LHPP: variants seen among roughly 807,000 people sequenced by gnomAD.
LHPP encodes phospholysine phosphohistidine inorganic pyrophosphate phosphatase.
Under a neutral mutation model 30.3 loss-of-function variants are expected in LHPP, and 24 were observed. The ratio of observed to expected loss-of-function variants is 0.79; its 90% CI spans 0.57 to 1.11. The LOEUF (loss-of-function observed/expected upper bound fraction) is 1.11, where lower values mean the gene tolerates loss of function less well. LHPP is among the 50% of genes most tolerant of loss of function. LHPP has a pLI of 0.00. For missense variants in LHPP, 356 were observed against 367.2 expected, an observed-to-expected ratio of 0.97 and a Z score of 0.25; for synonymous variants, 150 against 157.1, an observed-to-expected ratio of 0.95 and a Z score of 0.34.
At chr10:124,543,026 C>T (rs1258151672) in intron 6 of LHPP, among the ~76,000 whole-genome samples, 1 of 152,216 alleles carries the variant, frequency 6.6e-6, no homozygotes, top group African/African-American at 2.4e-5. Flanking sequence ...TGAGTGGGGG[C>T]TGCTGTGCCA....
At position 124,478,037 on chromosome 10, in the gene LHPP, G is replaced by T. The variant is rs544856674; in HGVS notation, c.126-6102G>T. Among the ~76,000 whole-genome samples, 16 of 152,292 alleles carry T rather than the reference G, an allele frequency of 1.1e-4. No homozygotes were observed. The highest frequency in any genetic ancestry group is 3.6e-4 in the African/African-American group (15 of 41,556). ...TGGTCCTGCGCCAGGGTGCCCCCAGGTGCTGATCTTGGCTCCACTGTGGTT... is the reference window on the plus strand; with the variant it reads ...TGGTCCTGCGCCAGGGTGCCCCCAGTTGCTGATCTTGGCTCCACTGTGGTT... On this transcript the variant is annotated intron_variant, in intron 1 of 6. Coordinates refer to ENST00000368842, the MANE Select transcript of LHPP (RefSeq NM_022126.4). The surrounding 1 kb of genome is among the most constrained non-coding windows in gnomAD (Gnocchi z 4.7).
chr10:124,518,724 C>A (rs1238754558), intron 6 of LHPP, among the ~76,000 whole-genome samples: 2 of 152,206 alleles, frequency 1.3e-5, no homozygotes, highest in African/African-American at 4.8e-5. Context: ...TTCTGGCCAG[C>A]CCAGGCCAGG....
chr10:124,521,722 G>C (rs941554161), intron 6 of LHPP, among the ~76,000 whole-genome samples: 1 of 152,204 alleles, frequency 6.6e-6, no homozygotes, highest in African/African-American at 2.4e-5. Context: ...GCGGGTGGGG[G>C]CAGCGGTCAG....
At position 124,588,546 on chromosome 10, in the gene LHPP, A is replaced by T. The variant is rs1173939777; in HGVS notation, c.717-24718A>T. Among the ~76,000 whole-genome samples, 4 of 152,318 alleles carry T rather than the reference A, an allele frequency of 2.6e-5. No individual in the cohort carries two copies. The East Asian group carries it at 7.7e-4, about 29-fold the overall frequency. The stretch of plus-strand genomic sequence containing the variant: ...TGATCCGCCCGCCCAAAGTGCTGGG[A>T]TTACAGGCGTGAGCCACAGTGCCCG... On this transcript the variant is annotated intron_variant, in intron 6 of 6. Coordinates refer to ENST00000368842, the MANE Select transcript of LHPP (RefSeq NM_022126.4).
rs1174510360 is a variant in LHPP at position 124,496,097 on chromosome 10, TTTAGTGGTTCCAAGAATCAAGCCCC to T, written c.468-863_468-839del. Among the ~76,000 whole-genome samples the T allele has an allele frequency of 7.4e-4, 112 of 152,292 alleles. No individual in the cohort carries two copies. The highest frequency in any genetic ancestry group is 2.2e-4 in the Non-Finnish European group (15 of 68,028). ...GATGTGATGGTGGATGGCAAAACATTTTAGTGGTTCCAAGAATCAAGCCCCCTTGTGTATTCTTGGCTTTCAATGA... is the reference window on the plus strand; with the variant it reads ...GATGTGATGGTGGATGGCAAAACATTCTTGTGTATTCTTGGCTTTCAATGA... On this transcript the variant is annotated intron_variant, in intron 3 of 6. Coordinates refer to ENST00000368842, the MANE Select transcript of LHPP (RefSeq NM_022126.4). This position sits in a 1 kb window ranked among gnomAD's most constrained non-coding sequence, Gnocchi z 4.3.
intron 6 of LHPP, among the ~76,000 whole-genome samples, chr10:124,544,679 G>T (rs1955288931): frequency 6.6e-6 from 1 of 152,246 alleles, no homozygotes; most frequent in African/African-American, 2.4e-5. Context: ...CTGGGCACAA[G>T]CCTCGGCTCT....
chr10:124,571,553 G>T (rs1256144769), intron 6 of LHPP, among the ~76,000 whole-genome samples: 1 of 152,222 alleles, frequency 6.6e-6, no homozygotes, highest in Non-Finnish European at 1.5e-5. Context: ...TGTGGACCCT[G>T]TGCCTGGGAG....
rs911118778 is a variant in LHPP, at chr10:124,523,348, A to G, written c.716+6077A>G. Among the ~76,000 whole-genome samples, 18 of 152,150 alleles carry G rather than the reference A, an allele frequency of 1.2e-4. No homozygotes were observed. The highest frequency in any genetic ancestry group is 3.1e-4 in the African/African-American group (13 of 41,434). ...CGATCTAGGATTCCAGCCGCCTTGC[A>G]CAAAGCTGGAAGACGAGGGGCTGCA... On this transcript the variant is annotated intron_variant, in intron 6 of 6. Coordinates refer to ENST00000368842, the MANE Select transcript of LHPP (RefSeq NM_022126.4). This position sits in a 1 kb window ranked among gnomAD's most constrained non-coding sequence, Gnocchi z 4.2.
intron 6 of LHPP, chr10:124,526,231 G>A (rs1355791469): frequency 1.4e-5 from 14 of 985,276 alleles, no homozygotes; most frequent in Non-Finnish European, 1.7e-5. Flanking sequence ...TCCCTGAAGC[G>A]CGTTCCCCAG....
At chr10:124,483,806 G>C (rs116662622) in intron 1 of LHPP, among the ~76,000 whole-genome samples, 2,983 of 151,678 alleles carry the variant, frequency 0.02, 82 homozygotes, top group African/African-American at 0.067. Flanking sequence ...GTAGAGAGGC[G>C]GGGGGACAGA....
intron 6 of LHPP, among the ~76,000 whole-genome samples, chr10:124,546,417 T>TTTG (rs1564822639): frequency 0.016 from 2,480 of 152,190 alleles, 67 homozygotes; most frequent in African/African-American, 0.057. Context: ...TTGTTTGTTT[T>TTTG]TTTGAGACGG....
intron 5 of LHPP, among the ~76,000 whole-genome samples, chr10:124,512,616 C>CAAAAAAA (rs34808470): frequency 1.8e-5 from 1 of 54,180 alleles, no homozygotes; most frequent in African/African-American, 7.6e-5. Context: ...GACTCCGTCT[C>CAAAAAAA]AAAAAAAAAA....
rs1367128400 is a variant in LHPP, at chr10:124,523,456, A to G, written c.716+6185A>G. Among the ~76,000 whole-genome samples the G allele has an allele frequency of 6.6e-6, 1 of 152,216 alleles. No homozygotes were observed. The highest frequency in any genetic ancestry group is 1.5e-5 in the Non-Finnish European group (1 of 68,030). ...TTTGACCTTGGAAGCGGCTGCCGTC[A>G]AAGCAGCAGCTTGTCCTGGGTCTTC... On this transcript the variant is annotated intron_variant, in intron 6 of 6. Transcript: ENST00000368842. This position sits in a 1 kb window ranked among gnomAD's most constrained non-coding sequence, Gnocchi z 4.2.
intron 1 of LHPP, among the ~76,000 whole-genome samples, chr10:124,464,003 G>A (rs142039741): frequency 6.6e-6 from 1 of 152,006 alleles, no homozygotes; most frequent in South Asian, 2.1e-4. Flanking sequence ...GTTTTTTGTA[G>A]AGATGGGGTT....
At chr10:124,508,669 G>A (rs1182445645) in intron 5 of LHPP, among the ~76,000 whole-genome samples, 1 of 150,858 alleles carries the variant, frequency 6.6e-6, no homozygotes, top group Non-Finnish European at 1.5e-5. Context: ...AGCAACTCAT[G>A]CTCATTAAAG....
Position 124,494,018 on chromosome 10 carries a change from C to T in LHPP, c.468-2943C>T, listed in dbSNP as rs1299479904. On this transcript the variant is annotated intron_variant, in intron 3 of 6. Coordinates refer to ENST00000368842, the MANE Select transcript of LHPP (RefSeq NM_022126.4). Reference sequence around the variant, plus strand: ...CAGATTCAGTTTTTTAAAAAATAAACGTTAAAGTTTCTCATTTTGATTTCT... The same window carrying T: ...CAGATTCAGTTTTTTAAAAAATAAATGTTAAAGTTTCTCATTTTGATTTCT... 3.3e-5 allele frequency: 5 copies of T among 152,166 alleles called. No homozygotes were observed. In the East Asian group the frequency reaches 5.8e-4, roughly 18 times the overall value. The allele number at this position is 152,166 out of a possible 1,614,324, so 9.4% of individuals were successfully genotyped here.
At chr10:124,492,639 GAAT>G (rs1953568667) in intron 3 of LHPP, among the ~76,000 whole-genome samples, 1 of 152,212 alleles carries the variant, frequency 6.6e-6, no homozygotes, top group Non-Finnish European at 1.5e-5. Flanking sequence ...GAAACATCCA[GAAT>G]AATGTTTGAC....
chr10:124,535,275 A>G (rs1954995802), intron 6 of LHPP, among the ~76,000 whole-genome samples: 1 of 152,230 alleles, frequency 6.6e-6, no homozygotes, highest in African/African-American at 2.4e-5. Context: ...TAACTTGCCT[A>G]AGGTCACACA....
At chr10:124,613,114 G>C (rs956535623) in intron 6 of LHPP, 150 bp from the exon 7 acceptor site, 22 of 682,968 alleles carry the variant, frequency 3.2e-5, no homozygotes, top group African/African-American at 2.6e-4. Flanking sequence ...GGAGGAGGGG[G>C]ATGGCCAGTG....
Sources: allele counts gnomAD v4.1 joint callset (sites outside exome capture counted in the v4.1 genomes callset), GRCh38; gene constraint gnomAD v4.1.1; non-coding constraint Gnocchi (gnomAD v3.1); transcripts MANE v1.5; gene names NCBI Gene and HGNC (gene_info 2026-07-23, HGNC 2026-07-21).